Variants in ASXL2 observed in about 807,000 individuals in gnomAD.
ASXL2 encodes putative Polycomb group protein ASXL2.
A neutral mutation model predicts 122.0 loss-of-function variants in ASXL2; 23 were observed. The ratio of observed to expected loss-of-function variants is 0.19; its 90% CI spans 0.14 to 0.27. ASXL2 has a LOEUF of 0.27. Among genes scored for constraint, ASXL2 ranks in the 10% least tolerant of loss-of-function variants. The probability of loss-of-function intolerance (pLI) is 1.00; values close to 1 mark genes in which losing one functional copy is unlikely to be tolerated. For missense variants in ASXL2, 1,518 were observed against 1,713.8 expected (o/e 0.89, Z 2.02); for synonymous variants, 650 against 637.0 (o/e 1.02, Z -0.31).
At position 25,743,293 on chromosome 2, in the gene ASXL2, G is replaced by C. The variant is rs777192326; in HGVS notation, c.3044C>G (p.Ala1015Gly). The C allele has an allele frequency of 1.9e-6, 3 of 1,613,796 alleles. No homozygotes were observed. The African/African-American group carries it at 4.0e-5, about 22-fold the overall frequency. The change falls in exon 13 of 13, where the codon GCT (alanine) becomes GGT (glycine). Residue 1015 changes from alanine (A) to glycine (G), a missense_variant. By Grantham distance (60) the Ala-to-Gly change is moderately conservative (BLOSUM62 0). Coordinates refer to ENST00000435504, the MANE Select transcript of ASXL2 (RefSeq NM_018263.6). ...EEVNERQSHP[A>G]TQQQLGKTLQ... ...GGTTTTGCCCAGCTGCTGCTGCGTAGCTGGATGGGACTGTCTCTCATTAAC... is the reference window on the plus strand; with the variant it reads ...GGTTTTGCCCAGCTGCTGCTGCGTACCTGGATGGGACTGTCTCTCATTAAC...
chr2:25,786,240 A>ATTTTTTT (rs1559510977), intron 5 of ASXL2, among the ~76,000 whole-genome samples: 2 of 41,586 alleles, frequency 4.8e-5, no homozygotes, highest in Admixed American at 4.2e-4. Context: ...ACTCCACATC[A>ATTTTTTT]TTCTTTTTTT....
At chr2:25,855,835 C>CAA (rs200980536) in intron 1 of ASXL2, among the ~76,000 whole-genome samples, 3 of 105,704 alleles carry the variant, frequency 2.8e-5, no homozygotes, top group Admixed American at 1.0e-4. Flanking sequence ...GACTCCGTCT[C>CAA]AAAAAAAAAA....
chr2:25,845,301 A>C, intron 2 of ASXL2, 180 bp downstream of exon 2: 1 of 1,095,660 alleles, frequency 9.1e-7, no homozygotes, highest in Non-Finnish European at 1.3e-6. Context: ...CTTCTGGTTT[A>C]AAACTTTCTG....
chr2:25,872,431 T>C (rs1303317226), intron 1 of ASXL2, among the ~76,000 whole-genome samples: 2 of 151,500 alleles, frequency 1.3e-5, no homozygotes, highest in Non-Finnish European at 2.9e-5. Flanking sequence ...CTCAAATAGC[T>C]AGAAAGATAA....
intron 8 of ASXL2, among the ~76,000 whole-genome samples, chr2:25,762,628 GTAC>G (rs2088273626): frequency 1.6e-5 from 2 of 123,134 alleles, no homozygotes; most frequent in African/African-American, 6.3e-5. Flanking sequence ...TCGCACCACT[GTAC>G]TCCAGCCTGG....
intron 4 of ASXL2, among the ~76,000 whole-genome samples, chr2:25,800,831 C>T (rs962262980): frequency 6.6e-6 from 1 of 152,168 alleles, no homozygotes; most frequent in African/African-American, 2.4e-5. Flanking sequence ...CTTAGAATCA[C>T]GCCCAACATA....
intron 1 of ASXL2, among the ~76,000 whole-genome samples, chr2:25,866,476 G>A (rs1371725232): frequency 6.6e-6 from 1 of 152,048 alleles, no homozygotes; most frequent in Non-Finnish European, 1.5e-5. Flanking sequence ...ATTCCCTATG[G>A]GAGGTCTATA....
Position 25,780,629 on chromosome 2 carries a change from C to T in ASXL2, c.404-9089G>A, listed in dbSNP as rs553389619. ...CCTGTAGGTGATTCTGACGCAAGCT[C>T]GAGTCTGAGAATCATTGTTCTTAAT... is the stretch of plus-strand genomic sequence containing the variant. On this transcript the variant is annotated intron_variant, in intron 5 of 12. Coordinates refer to ENST00000435504, the MANE Select transcript of ASXL2 (RefSeq NM_018263.6). 3.3e-5 allele frequency among the ~76,000 whole-genome samples: 5 copies of T among 152,212 alleles called. No homozygotes were observed. The East Asian group carries it at 7.7e-4, about 23-fold the overall frequency.
chr2:25,870,546 C>A (rs1187445289), intron 1 of ASXL2, among the ~76,000 whole-genome samples: 2 of 152,064 alleles, frequency 1.3e-5, no homozygotes, highest in Non-Finnish European at 2.9e-5. Flanking sequence ...GTGGCACATC[C>A]CTGTTGTCCT....
At chr2:25,751,167 T>C (rs1195441836) in intron 11 of ASXL2, among the ~76,000 whole-genome samples, 2 of 152,200 alleles carry the variant, frequency 1.3e-5, no homozygotes, top group Non-Finnish European at 2.9e-5. Context: ...CTGTACAACA[T>C]GTAAAATCAA....
At chr2:25,768,581 T>C (rs1166308468) in intron 7 of ASXL2, among the ~76,000 whole-genome samples, 161 bp downstream of exon 7, 1 of 152,230 alleles carries the variant, frequency 6.6e-6, no homozygotes, top group Non-Finnish European at 1.5e-5. Flanking sequence ...GCACACAACT[T>C]TTCCCATTTA....
chr2:25,765,321 TG>T (rs2088326038), intron 8 of ASXL2, among the ~76,000 whole-genome samples: 1 of 151,792 alleles, frequency 6.6e-6, no homozygotes, highest in Non-Finnish European at 1.5e-5. Context: ...CCGTCTCTAC[TG>T]AAAATACAAA....
intron 3 of ASXL2, among the ~76,000 whole-genome samples, chr2:25,834,948 G>A (rs1198967782): frequency 6.6e-6 from 1 of 151,882 alleles, no homozygotes; most frequent in Admixed American, 6.6e-5. Context: ...TCAGCCTCCC[G>A]AGTAGCTGGG....
chr2:25,755,387 G>C (rs968907417), intron 10 of ASXL2, among the ~76,000 whole-genome samples: 17 of 152,160 alleles, frequency 1.1e-4, no homozygotes, highest in African/African-American at 4.1e-4. Context: ...TATATGCAGT[G>C]CCCACACACA....
chr2:25,809,787 C>T (rs897798232), intron 3 of ASXL2: 43 of 404,764 alleles, frequency 1.1e-4, no homozygotes, highest in Admixed American at 1.8e-4. Flanking sequence ...GACAGTTTAG[C>T]GAAAAAGACA....
chr2:25,751,593 C>T lies in ASXL2; in HGVS notation c.1143-1180G>A, dbSNP rs151207588. 8.3e-3 allele frequency among the ~76,000 whole-genome samples: 1,257 copies of T among 150,992 alleles called. 10 individuals carry two copies. Among genetic ancestry groups the T allele is most frequent in the African/African-American group, 0.03 (1,223 of 40,990 alleles). On this transcript the variant is annotated intron_variant, in intron 11 of 12. Coordinates refer to ENST00000435504, the MANE Select transcript of ASXL2 (RefSeq NM_018263.6). ...AGGCTACAGTGAACCGTGATTGTGC[C>T]ACTGCACTCCAGCCTGAGGGACAGA... is the stretch of plus-strand genomic sequence containing the variant.
intron 10 of ASXL2, among the ~76,000 whole-genome samples, chr2:25,755,172 C>T (rs947574634): frequency 1.3e-5 from 2 of 152,146 alleles, no homozygotes; most frequent in African/African-American, 4.8e-5. Context: ...AAAAATAATT[C>T]AGCCAGTGGT....
At chr2:25,793,428 A>G (rs1327648505) in intron 5 of ASXL2, among the ~76,000 whole-genome samples, 16 of 152,182 alleles carry the variant, frequency 1.1e-4, no homozygotes, top group Non-Finnish European at 2.4e-4. Flanking sequence ...ATAATGTCGA[A>G]CAAGGTCAAA....
At chr2:25,766,137 G>A (rs1259431245) in intron 8 of ASXL2, among the ~76,000 whole-genome samples, 1 of 152,038 alleles carries the variant, frequency 6.6e-6, no homozygotes, top group East Asian at 1.9e-4. Flanking sequence ...TTGCTGCTAA[G>A]GATATCTGTA....
Sources: allele counts gnomAD v4.1 joint callset (sites outside exome capture counted in the v4.1 genomes callset), GRCh38; gene constraint gnomAD v4.1.1; transcripts MANE v1.5; gene names NCBI Gene and HGNC (gene_info 2026-07-23, HGNC 2026-07-21).